KDF1: variants seen among roughly 807,000 people sequenced by gnomAD.
KDF1 encodes keratinocyte differentiation factor 1, also known as RP11-344H11.3.
In KDF1, 11 loss-of-function variants were observed where a neutral mutation model predicts 31.6. The observed-to-expected ratio is 0.35, with a 90% CI of 0.22 to 0.58. The LOEUF (loss-of-function observed/expected upper bound fraction) is 0.58. Ranked by LOEUF, KDF1 falls within the 20% of genes least tolerant of loss-of-function variation. The pLI is 0.83. For synonymous variants in KDF1, 205 were observed against 214.4 expected (o/e 0.96, Z 0.38); for missense variants, 476 against 549.1 (o/e 0.87, Z 1.33).
intron 1 of KDF1, among the ~76,000 whole-genome samples, chr1:26,956,209 T>TG (rs1319015377): frequency 6.6e-6 from 1 of 152,166 alleles, no homozygotes; most frequent in Non-Finnish European, 1.5e-5. Context: ...AATGTGGAAC[T>TG]GGGCATCGGG....
rs2082352960 is a variant in KDF1 at position 26,952,021 on chromosome 1, C to T, written c.360G>A (p.Glu120=). 6.2e-7 allele frequency: 1 copy of T among 1,613,462 alleles called. No individual in the cohort carries two copies. The highest frequency in any genetic ancestry group is 2.2e-5 in the East Asian group (1 of 44,868). Residue 120 remains glutamate, a synonymous_variant, in exon 2 of 4, where the codon GAG becomes GAA. Coordinates refer to ENST00000320567, the MANE Select transcript of KDF1 (RefSeq NM_152365.3). The surrounding 1 kb of genome is among the most constrained non-coding windows in gnomAD (Gnocchi z 4.1). ...SPCLSTEDST[E]GTAEANWAKE... is the part of the protein sequence containing the mutation. Reference sequence around the variant, plus strand: ...TGGCCCAGTTGGCTTCAGCAGTCCCCTCAGTGGAGTCCTCAGTAGACAGGC... The same window carrying T: ...TGGCCCAGTTGGCTTCAGCAGTCCCTTCAGTGGAGTCCTCAGTAGACAGGC...
intron 1 of KDF1, among the ~76,000 whole-genome samples, chr1:26,955,729 G>A (rs937681333): frequency 6.6e-6 from 1 of 152,218 alleles, no homozygotes; most frequent in African/African-American, 2.4e-5. Context: ...GGCTGAGGCG[G>A]GTGGATCACG....
chr1:26,959,158 G>A (rs1001026256), intron 1 of KDF1, among the ~76,000 whole-genome samples: 12 of 152,208 alleles, frequency 7.9e-5, no homozygotes, highest in African/African-American at 1.9e-4. Flanking sequence ...TGGCCCGCCA[G>A]GCTCTGAAGC....
Position 26,951,835 on chromosome 1 carries a change from A to G in KDF1, c.546T>C (p.Pro182=). The change falls in exon 2 of 4, where the codon CCT becomes CCC. Residue 182 remains proline (P), a synonymous_variant. Coordinates refer to ENST00000320567, the MANE Select transcript of KDF1 (RefSeq NM_152365.3). This position sits in a 1 kb window ranked among gnomAD's most constrained non-coding sequence, Gnocchi z 5.4. ...GCTCCTTGCAGCAGGAGTCCGCATCAGGGGCTGGGGAGGTGGCCCTCGGGT... is the reference window on the plus strand; with the variant it reads ...GCTCCTTGCAGCAGGAGTCCGCATCGGGGGCTGGGGAGGTGGCCCTCGGGT... ...YPYPRATSPA[P]DADSCCKEPL... The G allele has an allele frequency of 1.2e-6, 2 of 1,614,000 alleles. No individual in the cohort carries two copies. The highest frequency in any genetic ancestry group is 1.7e-6 in the Non-Finnish European group (2 of 1,180,004).
intron 1 of KDF1, among the ~76,000 whole-genome samples, chr1:26,957,433 C>T (rs1273347889): frequency 6.6e-6 from 1 of 152,094 alleles, no homozygotes; most frequent in Admixed American, 6.6e-5. Context: ...GGACCATGAC[C>T]CTGAAGTGCA....
chr1:26,951,634 C>G lies in KDF1; in HGVS notation c.747G>C (p.Glu249Asp). The part of the protein sequence containing the change: ...IDVLIFKKLT[E>D]LFSVHQIDEL... Reference sequence around the variant, plus strand: ...CATCGATCTGGTGTACGCTGAACAGCTCTGTCAGCTTCTTGAAGATGAGCA... The same window carrying G: ...CATCGATCTGGTGTACGCTGAACAGGTCTGTCAGCTTCTTGAAGATGAGCA... Residue 249 changes from glutamate (E) to aspartate (D), a missense_variant, in exon 2 of 4, where the codon GAG becomes GAC. Glu to Asp is a conservative substitution (Grantham distance 45). Transcript: ENST00000320567. The surrounding 1 kb of genome is among the most constrained non-coding windows in gnomAD (Gnocchi z 5.4). The G allele has an allele frequency of 6.2e-7, 1 of 1,613,964 alleles. No homozygotes were observed. Among genetic ancestry groups the G allele is most frequent in the East Asian group, 2.2e-5 (1 of 44,884 alleles).
rs1184400696 is a variant in KDF1 at position 26,950,180 on chromosome 1, C to G, written c.1115-29G>C. The G allele has an allele frequency of 1.3e-6, 2 of 1,588,640 alleles. No homozygotes were observed. Among genetic ancestry groups the G allele is most frequent in the South Asian group, 1.1e-5 (1 of 90,448 alleles). On this transcript the variant is annotated intron_variant, in intron 3 of 3. Coordinates refer to ENST00000320567, the MANE Select transcript of KDF1 (RefSeq NM_152365.3). This position sits in a 1 kb window ranked among gnomAD's most constrained non-coding sequence, Gnocchi z 4.0. ...GTAGGAAGGAGAGGAGAGGAGGAAA[C>G]AGGCTCAGGGGAAGGAGCTCATCCA... is the stretch of plus-strand genomic sequence containing the variant.
At chr1:26,957,186 T>A (rs1408007918) in intron 1 of KDF1, among the ~76,000 whole-genome samples, 1 of 152,176 alleles carries the variant, frequency 6.6e-6, no homozygotes, top group African/African-American at 2.4e-5. Context: ...TCTCCTGCCC[T>A]GGCCTCCCAA....
intron 1 of KDF1, among the ~76,000 whole-genome samples, chr1:26,954,179 A>G (rs754003218): frequency 6.6e-6 from 1 of 151,762 alleles, no homozygotes; most frequent in African/African-American, 2.4e-5. Flanking sequence ...AATGTATTTA[A>G]TGCCACAGGA....
Position 26,951,956 on chromosome 1 carries a change from G to A in KDF1, c.425C>T (p.Pro142Leu), listed in dbSNP as rs760507136. 11 of 1,606,378 alleles carry A rather than the reference G, an allele frequency of 6.8e-6. No homozygotes were observed. Among genetic ancestry groups the A allele is most frequent in the Middle Eastern group, 3.3e-4 (2 of 6,046 alleles). The change falls in exon 2 of 4, where the codon CCC becomes CTC. Residue 142 changes from proline to leucine, a missense_variant. By Grantham distance (98) the Pro-to-Leu change is moderately conservative. This residue lies in a region of KDF1 where 330 missense variants were observed against 332.3 expected (regional missense o/e 0.99). Transcript: ENST00000320567. The surrounding 1 kb of genome is among the most constrained non-coding windows in gnomAD (Gnocchi z 5.4). Reference protein sequence around the residue: ...NGVPPSPDRAPPSRRDGQRLK... With the variant: ...NGVPPSPDRALPSRRDGQRLK... ...CCGCTGGCCATCCCGCCGGCTGGGG[G>A]GTGCACGATCAGGGCTGGGGGGCAC...
chr1:26,954,240 T>C (rs79168081), intron 1 of KDF1, among the ~76,000 whole-genome samples: 1 of 151,484 alleles, frequency 6.6e-6, no homozygotes, highest in South Asian at 2.1e-4. Flanking sequence ...TTTTTTTTTT[T>C]TGAAACGGAG....
chr1:26,950,159 G>A lies in KDF1; in HGVS notation c.1115-8C>T, dbSNP rs1444099691. Reference sequence around the variant, plus strand: ...CATGGCTTGCTGGGTACCCTGGTAGGAAGGAGAGGAGAGGAGGAAACAGGC... The same window carrying A: ...CATGGCTTGCTGGGTACCCTGGTAGAAAGGAGAGGAGAGGAGGAAACAGGC... On this transcript the variant is annotated splice_polypyrimidine_tract_variant and splice_region_variant and intron_variant, in intron 3 of 3. Coordinates refer to ENST00000320567, the MANE Select transcript of KDF1 (RefSeq NM_152365.3). This position sits in a 1 kb window ranked among gnomAD's most constrained non-coding sequence, Gnocchi z 4.0. The A allele has an allele frequency of 7.4e-6, 12 of 1,611,734 alleles. No individual in the cohort carries two copies. Among genetic ancestry groups the A allele is most frequent in the Non-Finnish European group, 8.5e-6 (10 of 1,178,078 alleles).
chr1:26,954,921 C>T (rs1272713756), intron 1 of KDF1, among the ~76,000 whole-genome samples: 1 of 149,086 alleles, frequency 6.7e-6, no homozygotes, highest in Non-Finnish European at 1.5e-5. Context: ...TGCAATGGCG[C>T]ATTCTCGGCT....
rs371760014 is a variant in KDF1 at position 26,955,654 on chromosome 1, C to A, written c.-32-3242G>T. On this transcript the variant is annotated intron_variant, in intron 1 of 3. Coordinates refer to ENST00000320567, the MANE Select transcript of KDF1 (RefSeq NM_152365.3). ...TATGGTTTTGCAGGGAAAACAGATGCTTAAAAGTTTGTAAGATGAGGGCCG... is the reference window on the plus strand; with the variant it reads ...TATGGTTTTGCAGGGAAAACAGATGATTAAAAGTTTGTAAGATGAGGGCCG... 4.3e-4 allele frequency among the ~76,000 whole-genome samples: 65 copies of A among 152,208 alleles called. No individual in the cohort carries two copies. In the South Asian group the frequency reaches 0.013, roughly 31 times the overall value.
intron 1 of KDF1, among the ~76,000 whole-genome samples, chr1:26,953,275 C>T (rs1395583424): frequency 6.6e-6 from 1 of 152,134 alleles, no homozygotes; most frequent in Non-Finnish European, 1.5e-5. Flanking sequence ...TGAGTGTTGG[C>T]AATAATGTGG....
At chr1:26,957,215 A>T (rs1377705838) in intron 1 of KDF1, among the ~76,000 whole-genome samples, 1 of 152,190 alleles carries the variant, frequency 6.6e-6, no homozygotes, top group African/African-American at 2.4e-5. Context: ...GATTACAGGC[A>T]TGAGCCTCTG....
intron 1 of KDF1, among the ~76,000 whole-genome samples, chr1:26,957,454 G>A (rs1008652551): frequency 6.6e-6 from 1 of 152,148 alleles, no homozygotes; most frequent in Non-Finnish European, 1.5e-5. Context: ...GGGACTGTGT[G>A]TAATTCTTTT....
Position 26,951,410 on chromosome 1 carries a change from G to A in KDF1, c.971C>T (p.Ala324Val). 1 of 1,610,660 alleles carries A rather than the reference G, an allele frequency of 6.2e-7. No individual in the cohort carries two copies. Residue 324 changes from alanine to valine, a missense_variant, in exon 2 of 4, where the codon GCT becomes GTT. Coordinates refer to ENST00000320567, the MANE Select transcript of KDF1 (RefSeq NM_152365.3). The surrounding 1 kb of genome is among the most constrained non-coding windows in gnomAD (Gnocchi z 5.4). ...QTSEGRSTRA[A>V]APTAAAPDSG... ...GTCAGGGGCAGCAGCGGTTGGGGCA[G>A]CAGCCCGAGTTGAACGACCCTCCGA...
At chr1:26,956,477 A>G (rs927587061) in intron 1 of KDF1, among the ~76,000 whole-genome samples, 1 of 152,224 alleles carries the variant, frequency 6.6e-6, no homozygotes, top group Non-Finnish European at 1.5e-5. Context: ...ATTGACATCA[A>G]GTTCCTCCTG....
Sources: allele counts gnomAD v4.1 joint callset (sites outside exome capture counted in the v4.1 genomes callset), GRCh38; gene constraint gnomAD v4.1.1; regional missense constraint gnomAD v4.1.1; non-coding constraint Gnocchi (gnomAD v3.1); transcripts MANE v1.5; gene names NCBI Gene and HGNC (gene_info 2026-07-23, HGNC 2026-07-21).